The following PIK3R1 variants were observed in gnomAD, a reference collection of about 807,000 sequenced individuals.
The protein encoded by PIK3R1 is phosphoinositide-3-kinase regulatory subunit 1.
Under a neutral mutation model 98.0 loss-of-function variants are expected in PIK3R1, and 29 were observed. That is an observed-to-expected ratio of 0.30 (90% confidence interval 0.22 to 0.40). The LOEUF is 0.40. PIK3R1 is among the 10% of genes least tolerant of loss of function. PIK3R1 has a pLI of 1.00. For synonymous variants in PIK3R1, 282 were observed against 311.8 expected (o/e 0.90, Z 1.01); for missense variants, 596 against 872.7 (o/e 0.68, Z 3.99).
rs531015335 is a variant in PIK3R1, at chr5:68,279,540, T to A, written c.503-62T>A. ...CATGTGAGTCAAATTGTTCAGAAAA[T>A]TAGCCCAACTGATGTATTCTATAAA... On this transcript the variant is annotated intron_variant, in intron 4 of 15. Coordinates refer to ENST00000521381, the MANE Select transcript of PIK3R1 (RefSeq NM_181523.3). The A allele has an allele frequency of 2.2e-6, 3 of 1,351,090 alleles. No homozygotes were observed. The African/African-American group carries it at 4.4e-5, about 20-fold the overall frequency. 83.7% of individuals were successfully genotyped at this position (1,351,090 alleles called of 1,614,324 possible).
intron 7 of PIK3R1, chr5:68,288,346 C>A: frequency 1.0e-6 from 1 of 958,268 alleles, no homozygotes; most frequent in Non-Finnish European, 1.3e-6. Flanking sequence ...TTGAACCTGC[C>A]CAAGTTAATC....
At chr5:68,245,667 AT>A (rs1480109911) in intron 2 of PIK3R1, among the ~76,000 whole-genome samples, 1 of 152,274 alleles carries the variant, frequency 6.6e-6, no homozygotes, top group East Asian at 1.9e-4. Flanking sequence ...AAAAATAAAA[AT>A]TAAAAAATAC....
chr5:68,293,636 T>C (rs1747516168), intron 10 of PIK3R1, 73 bp from the exon 11 acceptor site: 2 of 1,206,012 alleles, frequency 1.7e-6, no homozygotes, highest in African/African-American at 3.1e-5. Flanking sequence ...GATGTTTCCA[T>C]GTCAGCTATT....
At chr5:68,293,677 C>T in intron 10 of PIK3R1, 32 bp from the exon 11 acceptor site, 1 of 1,335,528 alleles carries the variant, frequency 7.5e-7, no homozygotes, top group Non-Finnish European at 1.0e-6. Flanking sequence ...GATTAAATAC[C>T]TTATCCATTG....
intron 2 of PIK3R1, among the ~76,000 whole-genome samples, chr5:68,227,330 G>A (rs964773011): frequency 6.6e-6 from 1 of 152,178 alleles, no homozygotes; most frequent in Non-Finnish European, 1.5e-5. Flanking sequence ...TATAGGCGGA[G>A]TATTCCTAGT....
chr5:68,294,509 CATT>C, intron 11 of PIK3R1, 24 bp from the exon 12 acceptor site: 3 of 1,566,276 alleles, frequency 1.9e-6, no homozygotes, highest in Non-Finnish European at 2.6e-6. Flanking sequence ...AAAGGTATGA[CATT>C]ATCTTTTTAA....
At chr5:68,220,634 C>T (rs753388528) in intron 1 of PIK3R1, among the ~76,000 whole-genome samples, 4 of 152,158 alleles carry the variant, frequency 2.6e-5, no homozygotes, top group African/African-American at 4.8e-5. Flanking sequence ...TCCTCTCCCT[C>T]GCCCCACAAA....
chr5:68,282,650 G>C (rs764550604), intron 7 of PIK3R1, among the ~76,000 whole-genome samples: 2 of 152,114 alleles, frequency 1.3e-5, no homozygotes, highest in Non-Finnish European at 2.9e-5. Context: ...AGTAAAAACG[G>C]GTATCTGCAC....
intron 1 of PIK3R1, among the ~76,000 whole-genome samples, chr5:68,218,372 C>A (rs557841422): frequency 9.9e-5 from 15 of 152,004 alleles, no homozygotes; most frequent in African/African-American, 3.6e-4. Flanking sequence ...CCATGACTGT[C>A]ATATAATTTT....
chr5:68,223,123 A>C (rs1189770148), intron 1 of PIK3R1, among the ~76,000 whole-genome samples: 1 of 147,918 alleles, frequency 6.8e-6, no homozygotes. Context: ...GTACAAACTC[A>C]ATCATCATCA....
At chr5:68,294,848 A>G (rs951645100) in intron 12 of PIK3R1, among the ~76,000 whole-genome samples, 170 bp downstream of exon 12, 12 of 152,110 alleles carry the variant, frequency 7.9e-5, no homozygotes, top group Non-Finnish European at 2.9e-5. Flanking sequence ...ATTGGGAGAT[A>G]TACCTAATGC....
intron 1 of PIK3R1, among the ~76,000 whole-genome samples, chr5:68,221,775 A>C (rs1169868242): frequency 1.3e-5 from 2 of 152,232 alleles, no homozygotes; most frequent in African/African-American, 2.4e-5. Context: ...GCTATTTGTC[A>C]AACATCAGAA....
At chr5:68,219,417 C>G (rs544027926) in intron 1 of PIK3R1, among the ~76,000 whole-genome samples, 2 of 152,314 alleles carry the variant, frequency 1.3e-5, no homozygotes, top group Admixed American at 6.5e-5. Flanking sequence ...GGCATCTGGA[C>G]CAGCCATTCC....
intron 4 of PIK3R1, among the ~76,000 whole-genome samples, chr5:68,278,553 C>A (rs1159824310): frequency 1.3e-5 from 2 of 152,160 alleles, no homozygotes; most frequent in Admixed American, 1.3e-4. Context: ...TCAGTCAGGG[C>A]AGAACCACCC....
chr5:68,279,708 C>G lies in PIK3R1; in HGVS notation c.609C>G (p.Tyr203Ter). 6.2e-7 allele frequency: 1 copy of G among 1,614,124 alleles called. No homozygotes were observed. Among genetic ancestry groups the G allele is most frequent in the Non-Finnish European group, 8.5e-7 (1 of 1,179,998 alleles). ...LPNPVIPAAV[Y>*]SEMISLAPEV... is the part of the protein sequence containing the mutation. ...ATCCTGTCATTCCAGCAGCCGTTTA[C>G]AGTGAAATGATTTCTTTAGCTCCAG... The change falls in exon 5 of 16, where the codon TAC becomes TAG. Residue 203 changes from tyrosine (Y) to a stop codon, truncating the protein, a stop_gained. Coordinates refer to ENST00000521381, the MANE Select transcript of PIK3R1 (RefSeq NM_181523.3). LOFTEE classifies it high-confidence loss of function.
Position 68,255,798 on chromosome 5 carries a change from T to C in PIK3R1, c.335-17592T>C, listed in dbSNP as rs144479739. ...ATAATATACAGAGTCATAAATGTTC[T>C]TGTTGTCATTTGGAAAATTACAAAT... is the stretch of plus-strand genomic sequence containing the variant. On this transcript the variant is annotated intron_variant, in intron 2 of 15. Transcript: ENST00000521381. 2.8e-3 allele frequency among the ~76,000 whole-genome samples: 424 copies of C among 152,370 alleles called. 1 individual carries two copies. The highest frequency in any genetic ancestry group is 9.5e-3 in the African/African-American group (393 of 41,584).
intron 1 of PIK3R1, among the ~76,000 whole-genome samples, chr5:68,225,481 C>A (rs1475690121): frequency 1.3e-5 from 2 of 152,198 alleles, no homozygotes; most frequent in Non-Finnish European, 2.9e-5. Context: ...GGATCAGGCA[C>A]CCTTTGCTCC....
At position 68,219,287 on chromosome 5, in the gene PIK3R1, G is replaced by T. The variant is rs542066347; in HGVS notation, c.-387+3338G>T. 5.9e-5 allele frequency among the ~76,000 whole-genome samples: 9 copies of T among 152,298 alleles called. No individual in the cohort carries two copies. In the East Asian group the frequency reaches 1.5e-3, roughly 26 times the overall value. The stretch of plus-strand genomic sequence containing the variant: ...AAGTAAATCAAATACATATCCACAG[G>T]CACCTGTAGTCAAAATAGTTGTCAG... On this transcript the variant is annotated intron_variant, in intron 1 of 15. Coordinates refer to ENST00000521381, the MANE Select transcript of PIK3R1 (RefSeq NM_181523.3).
chr5:68,295,118 T>A (rs1220876665), intron 12 of PIK3R1, 30 bp from the exon 13 acceptor site: 1 of 1,598,338 alleles, frequency 6.3e-7, no homozygotes, highest in South Asian at 1.1e-5. Flanking sequence ...TGTACCCAGA[T>A]AATAACAAAT....
Sources: allele counts gnomAD v4.1 joint callset (sites outside exome capture counted in the v4.1 genomes callset), GRCh38; gene constraint gnomAD v4.1.1; transcripts MANE v1.5; gene names NCBI Gene and HGNC (gene_info 2026-07-23, HGNC 2026-07-21).